The following KCP variants were observed in gnomAD, a reference collection of about 807,000 sequenced individuals.
The protein encoded by KCP is kielin/chordin-like protein.
Under a neutral mutation model 212.7 loss-of-function variants are expected in KCP, and 194 were observed. That is an observed-to-expected ratio of 0.91 (90% CI 0.81 to 1.03). The LOEUF (loss-of-function observed/expected upper bound fraction) is 1.03. Among genes scored for constraint, KCP ranks in the 50% least tolerant of loss-of-function variants. The probability of loss-of-function intolerance (pLI) is 0.00; values close to 1 mark genes in which losing one functional copy is unlikely to be tolerated. For synonymous variants in KCP, 833 were observed against 865.3 expected (o/e 0.96, Z 0.65); for missense variants, 2,080 against 2,162.5 (o/e 0.96, Z 0.76).
At chr7:128,902,670 G>T in intron 8 of KCP, 107 bp downstream of exon 8, 1 of 1,028,796 alleles carries the variant, frequency 9.7e-7, no homozygotes, top group Non-Finnish European at 1.5e-6. Flanking sequence ...CTTCTCCACT[G>T]GGTCCCCTCT....
Position 128,879,830 on chromosome 7 carries a change from C to CT in KCP, c.3933-2dup, listed in dbSNP as rs774333620. The CT allele has an allele frequency of 6.4e-7, 1 of 1,550,916 alleles. No individual in the cohort carries two copies. Among genetic ancestry groups the CT allele is most frequent in the South Asian group, 1.2e-5 (1 of 84,066 alleles). Reference sequence around the variant, plus strand: ...CCGGTCATCATTGGTCACGTGCACACTGTGGGCAGGAAAGTCCCAGGTGCC... The same window carrying CT: ...CCGGTCATCATTGGTCACGTGCACACTTGTGGGCAGGAAAGTCCCAGGTGCC... On this transcript the variant is annotated splice_acceptor_variant, in intron 35 of 39. Transcript: ENST00000610776. LOFTEE classifies it high-confidence loss of function.
At chr7:128,904,284 C>T (rs772264864) in intron 5 of KCP, 146 bp from the exon 6 acceptor site, 32 of 1,552,610 alleles carry the variant, frequency 2.1e-5, no homozygotes, top group South Asian at 1.1e-4. Context: ...AGGAGGTCAC[C>T]GGGCCGGCAG....
Position 128,881,882 on chromosome 7 carries a change from C to A in KCP, c.3324+55G>T, listed in dbSNP as rs924538024. On this transcript the variant is annotated intron_variant, in intron 30 of 39. Transcript: ENST00000610776. ...TGCGGGAGAGGAGTGGCAGCCACAGCCCACAGAGAAGGAAGAAGAGGGGCT... is the reference window on the plus strand; with the variant it reads ...TGCGGGAGAGGAGTGGCAGCCACAGACCACAGAGAAGGAAGAAGAGGGGCT... The A allele has an allele frequency of 3.2e-5, 49 of 1,509,022 alleles. No homozygotes were observed. In the African/African-American group the frequency reaches 6.3e-4, roughly 19 times the overall value. 93.5% of individuals were successfully genotyped at this position (1,509,022 alleles called of 1,614,324 possible). A position where few individuals can be genotyped will look rare whatever the true frequency, so the allele number is the denominator to read the frequency against.
intron 26 of KCP, 115 bp downstream of exon 26, chr7:128,886,349 A>G: frequency 1.2e-6 from 1 of 810,172 alleles, no homozygotes; most frequent in East Asian, 2.8e-5. Context: ...TGCAAGGGCC[A>G]GTTGTTGGGG....
rs1563027688 is a variant in KCP at position 128,886,859 on chromosome 7, TGAG to T, written c.2689+14_2689+16del. 4 of 1,483,592 alleles carry T rather than the reference TGAG, an allele frequency of 2.7e-6. No individual in the cohort carries two copies. In the East Asian group the frequency reaches 9.9e-5, roughly 37 times the overall value. The allele number at this position is 1,483,592 out of a possible 1,614,324, so 91.9% of individuals were successfully genotyped here. On this transcript the variant is annotated intron_variant, in intron 24 of 39. Transcript: ENST00000610776. ...CGGGGAAGGGCATGGGGGCCGCGCA[TGAG>T]GAAGGCAGCTCACTGTGGCAAACAG...
At chr7:128,898,798 G>C (rs1794673778) in intron 8 of KCP, among the ~76,000 whole-genome samples, 2 of 152,208 alleles carry the variant, frequency 1.3e-5, no homozygotes, top group South Asian at 2.1e-4. Context: ...AAGAAATTGT[G>C]TGTGAACATA....
chr7:128,895,577 C>T (rs1452418604), intron 8 of KCP, among the ~76,000 whole-genome samples: 1 of 152,208 alleles, frequency 6.6e-6, no homozygotes, highest in Non-Finnish European at 1.5e-5. Context: ...TAAAATGAGG[C>T]TGAGACCTAC....
chr7:128,906,433 C>T (rs1795123148), intron 4 of KCP, 70 bp from the exon 5 acceptor site: 2 of 1,121,200 alleles, frequency 1.8e-6, no homozygotes, highest in Non-Finnish European at 2.6e-6. Flanking sequence ...GGAAGTAAAA[C>T]CTCAGCCCAG....
chr7:128,901,423 G>A (rs561453688), intron 8 of KCP, among the ~76,000 whole-genome samples: 1 of 152,174 alleles, frequency 6.6e-6, no homozygotes, highest in Non-Finnish European at 1.5e-5. Flanking sequence ...TCAGGAGATC[G>A]AGACCATCCT....
chr7:128,908,302 G>GA (rs1298113231), intron 2 of KCP, 124 bp downstream of exon 2: 1 of 708,130 alleles, frequency 1.4e-6, no homozygotes, highest in Non-Finnish European at 2.0e-6. Context: ...AAGAAAGAAA[G>GA]AAAGGGAATT....
intron 7 of KCP, chr7:128,903,094 C>A (rs957198925): frequency 3.5e-6 from 2 of 566,726 alleles, no homozygotes; most frequent in Non-Finnish European, 6.3e-6. Context: ...CATAGCCACA[C>A]CCATGTGCCC....
chr7:128,887,085 G>A, intron 23 of KCP, 119 bp from the exon 24 acceptor site: 1 of 1,062,380 alleles, frequency 9.4e-7, no homozygotes, highest in Non-Finnish European at 1.4e-6. Context: ...CCTGAGCCCA[G>A]TCCTGTCCCA....
chr7:128,880,285 C>T, intron 34 of KCP, 101 bp downstream of exon 34: 1 of 1,405,110 alleles, frequency 7.1e-7, no homozygotes, highest in Non-Finnish European at 9.5e-7. Flanking sequence ...CAGCTGGCGG[C>T]AGGAGCCCAG....
At chr7:128,886,634 A>C (rs2128945744) in intron 25 of KCP, 21 bp downstream of exon 25, 1 of 1,550,438 alleles carries the variant, frequency 6.4e-7, no homozygotes, top group Non-Finnish European at 8.7e-7. Context: ...GTCACTCCAC[A>C]CCCCCCACCT....
At chr7:128,909,931 T>G (rs967829974) in intron 1 of KCP, among the ~76,000 whole-genome samples, 2 of 152,180 alleles carry the variant, frequency 1.3e-5, no homozygotes, top group African/African-American at 4.8e-5. Flanking sequence ...GCGGCCACGA[T>G]GGGCGTCTCA....
intron 29 of KCP, 104 bp downstream of exon 29, chr7:128,883,898 C>T: frequency 7.3e-7 from 1 of 1,377,982 alleles, no homozygotes; most frequent in Middle Eastern, 2.5e-4. Context: ...CAGAACAGTC[C>T]ACTGGAGTCA....
chr7:128,896,889 CAAAAAAAA>C (rs35522047), intron 8 of KCP, among the ~76,000 whole-genome samples: 9 of 58,084 alleles, frequency 1.5e-4, no homozygotes, highest in Non-Finnish European at 2.3e-4. Context: ...GACTCCATCT[CAAAAAAAA>C]AAAAAAAAAA....
At chr7:128,903,963 G>T in intron 6 of KCP, 93 bp downstream of exon 6, 1 of 1,376,082 alleles carries the variant, frequency 7.3e-7, no homozygotes, top group Non-Finnish European at 1.0e-6. Flanking sequence ...CGGGAGGCAT[G>T]TGAGGGGGCT....
At chr7:128,890,079 CA>C in intron 21 of KCP, 4 of 524,294 alleles carry the variant, frequency 7.6e-6, no homozygotes, top group Non-Finnish European at 1.4e-5. Flanking sequence ...GCACCACGAC[CA>C]GCTGATTTTA....
Sources: allele counts gnomAD v4.1 joint callset (sites outside exome capture counted in the v4.1 genomes callset), GRCh38; gene constraint gnomAD v4.1.1; transcripts MANE v1.5; gene names NCBI Gene and HGNC (gene_info 2026-07-23, HGNC 2026-07-21).